DSN1: variants seen among roughly 807,000 people sequenced by gnomAD.
DSN1 encodes kinetochore-associated protein DSN1 homolog.
DSN1 carries 31 observed loss-of-function variants against 45.7 expected under a neutral mutation model. The observed-to-expected ratio is 0.68, with a 90% CI of 0.51 to 0.92. The LOEUF (loss-of-function observed/expected upper bound fraction) is 0.92. Ranked by LOEUF, DSN1 falls within the 40% of genes least tolerant of loss-of-function variation. The pLI is 0.00. For synonymous variants in DSN1, 134 were observed against 142.3 expected, an observed-to-expected ratio of 0.94 and a Z score of 0.41; for missense variants, 394 against 414.2, an observed-to-expected ratio of 0.95 and a Z score of 0.42.
chr20:36,759,673 C>T (rs1986866843), intron 6 of DSN1, among the ~76,000 whole-genome samples: 2 of 151,600 alleles, frequency 1.3e-5, no homozygotes, highest in Admixed American at 6.6e-5. Context: ...TTAGTAGAGA[C>T]GGGGTTTCAC....
At chr20:36,765,777 G>A (rs1227512375) in intron 5 of DSN1, among the ~76,000 whole-genome samples, 19 of 140,822 alleles carry the variant, frequency 1.3e-4, no homozygotes, top group African/African-American at 3.5e-4. Context: ...CAGCCTGGGC[G>A]ACAGAGCGAG....
intron 8 of DSN1, among the ~76,000 whole-genome samples, 167 bp from the exon 9 acceptor site, chr20:36,755,996 T>C (rs113146610): frequency 0.035 from 5,364 of 152,108 alleles, 353 homozygotes; most frequent in African/African-American, 0.12. Context: ...GTTTTTGAGA[T>C]GGAGTCTCAC....
chr20:36,759,810 T>C (rs991896807), intron 6 of DSN1, among the ~76,000 whole-genome samples: 1 of 152,108 alleles, frequency 6.6e-6, no homozygotes, highest in Admixed American at 6.6e-5. Flanking sequence ...TTCTAAGCTG[T>C]AGGTAATAAA....
chr20:36,755,530 T>TAATA (rs1427946344), intron 9 of DSN1, 152 bp downstream of exon 9: 13 of 920,170 alleles, frequency 1.4e-5, no homozygotes, highest in Non-Finnish European at 1.7e-5. Context: ...ATTTGTTTAT[T>TAATA]ATTTTTTAAT....
intron 5 of DSN1, among the ~76,000 whole-genome samples, chr20:36,763,289 C>T (rs772946289): frequency 9.3e-5 from 14 of 151,346 alleles, no homozygotes; most frequent in Admixed American, 7.3e-4. Flanking sequence ...CCTGTAATCC[C>T]GGCTACTCGG....
In DSN1 at chr20:36,764,657, G is replaced by A. The variant is rs529276257; in HGVS notation, c.503-2109C>T. ...ACATGAGGCTGAGCCATGGTGGCTC[G>A]CGCCTATAATCCCAACACTTTGGGA... On this transcript the variant is annotated intron_variant, in intron 5 of 10. Coordinates refer to ENST00000373750, the MANE Select transcript of DSN1 (RefSeq NM_001145315.2). Among the ~76,000 whole-genome samples, 5 of 152,194 alleles carry A rather than the reference G, an allele frequency of 3.3e-5. No homozygotes were observed. The South Asian group carries it at 6.2e-4, about 19-fold the overall frequency.
At chr20:36,761,354 T>C (rs1286659433) in intron 6 of DSN1, among the ~76,000 whole-genome samples, 2 of 152,190 alleles carry the variant, frequency 1.3e-5, no homozygotes, top group African/African-American at 4.8e-5. Flanking sequence ...TATTTGTTTA[T>C]TGTGTCTTCT....
chr20:36,756,173 G>T (rs1015470087), intron 8 of DSN1, among the ~76,000 whole-genome samples: 3 of 152,054 alleles, frequency 2.0e-5, no homozygotes, highest in African/African-American at 7.2e-5. Context: ...GTAGAGACGA[G>T]GTTTCACCAT....
At chr20:36,767,485 G>C (rs996088045) in intron 4 of DSN1, among the ~76,000 whole-genome samples, 2 of 152,116 alleles carry the variant, frequency 1.3e-5, no homozygotes, top group African/African-American at 2.4e-5. Context: ...TTAAAAAAAG[G>C]CTGGGCACGG....
chr20:36,753,887 T>C (rs766508063), intron 10 of DSN1, among the ~76,000 whole-genome samples: 1 of 150,952 alleles, frequency 6.6e-6, no homozygotes, highest in Non-Finnish European at 1.5e-5. Flanking sequence ...ATGCCTGTAA[T>C]CCCAGCTACT....
Position 36,770,954 on chromosome 20 carries a change from T to C in DSN1, c.274A>G (p.Arg92Gly). The C allele has an allele frequency of 6.2e-7, 1 of 1,614,202 alleles. No homozygotes were observed. The highest frequency in any genetic ancestry group is 8.5e-7 in the Non-Finnish European group (1 of 1,180,032). ...PQEQSASYQD[R>G]RQSWRRASMK... ...CTTGCTCGCCGCCAGGATTGCCTCC[T>C]GTCTTGATAACTGGCAGATTGTTCT... The change falls in exon 3 of 11, where the codon AGG becomes GGG. Residue 92 changes from arginine (R) to glycine (G), a missense_variant. Physicochemically the swap from Arg to Gly is moderately radical, Grantham distance 125. Transcript: ENST00000373750.
At chr20:36,759,492 C>T (rs1986855459) in intron 6 of DSN1, among the ~76,000 whole-genome samples, 1 of 150,274 alleles carries the variant, frequency 6.7e-6, no homozygotes, top group East Asian at 2.0e-4. Context: ...TAATAACTTT[C>T]TTTTTTTTTG....
Position 36,758,093 on chromosome 20 carries a change from A to G in DSN1, c.719T>C (p.Leu240Ser). 6.2e-7 allele frequency: 1 copy of G among 1,613,888 alleles called. No homozygotes were observed. The highest frequency in any genetic ancestry group is 8.5e-7 in the Non-Finnish European group (1 of 1,179,850). ...LHYQQEAKEI[L>S]SRGSTEAKIT... ...TACAGTTCATAGATCTAACCTGGAC[A>G]ATATCTCTTTAGCCTCCTGCTGGTA... is the stretch of plus-strand genomic sequence containing the variant. The change falls in exon 8 of 11, where the codon TTG becomes TCG. Residue 240 changes from leucine (L) to serine (S), a missense_variant. Leu to Ser is a moderately radical substitution (Grantham distance 145). Coordinates refer to ENST00000373750, the MANE Select transcript of DSN1 (RefSeq NM_001145315.2).
At position 36,766,875 on chromosome 20, in the gene DSN1, C is replaced by G. The variant is rs1264488969; in HGVS notation, c.430-34G>C. On this transcript the variant is annotated intron_variant, in intron 4 of 10. Transcript: ENST00000373750. ...AGAAAAGCATTTTTAGTACAACCACCAAAAACTTCCAGGCCAGTCCTAAAT... is the reference window on the plus strand; with the variant it reads ...AGAAAAGCATTTTTAGTACAACCACGAAAAACTTCCAGGCCAGTCCTAAAT... The G allele has an allele frequency of 8.0e-6, 12 of 1,497,418 alleles. No homozygotes were observed. The African/African-American group carries it at 1.7e-4, about 21-fold the overall frequency. The allele number at this position is 1,497,418 out of a possible 1,614,324, so 92.8% of individuals were successfully genotyped here.
At chr20:36,757,463 C>T (rs1986737941) in intron 8 of DSN1, among the ~76,000 whole-genome samples, 3 of 152,124 alleles carry the variant, frequency 2.0e-5, no homozygotes, top group Admixed American at 2.0e-4. Flanking sequence ...CCTGTAGTCC[C>T]AGCTACTCAG....
chr20:36,752,949 T>TAAGTTTTCAA, intron 10 of DSN1, 52 bp from the exon 11 acceptor site: 1 of 1,465,228 alleles, frequency 6.8e-7, no homozygotes, highest in Non-Finnish European at 9.6e-7. Flanking sequence ...AACGTAACAT[T>TAAGTTTTCAA]TATTGAAAAC....
At chr20:36,768,994 T>G (rs1364550449) in intron 3 of DSN1, among the ~76,000 whole-genome samples, 2 of 152,218 alleles carry the variant, frequency 1.3e-5, no homozygotes, top group Non-Finnish European at 2.9e-5. Context: ...ATATACGTAT[T>G]TCATTAAACC....
intron 5 of DSN1, among the ~76,000 whole-genome samples, chr20:36,765,044 T>C (rs1037472434): frequency 1.4e-4 from 22 of 151,796 alleles, no homozygotes; most frequent in Non-Finnish European, 2.8e-4. Context: ...TCACCTATCA[T>C]ATAGTAAGAA....
chr20:36,771,369 T>C (rs1987640707), intron 2 of DSN1, 56 bp downstream of exon 2: 2 of 1,570,814 alleles, frequency 1.3e-6, no homozygotes, highest in Non-Finnish European at 1.7e-6. Flanking sequence ...GATTTGGGTA[T>C]AGCTCAGAAG....
Sources: gnomAD v4.1 joint callset for allele counts (sites outside exome capture counted in the v4.1 genomes callset) on GRCh38, gnomAD v4.1.1 for gene constraint, MANE v1.5 for transcripts, NCBI Gene and HGNC (gene_info 2026-07-23, HGNC 2026-07-21) for gene names.